STAMBP: variants seen among roughly 807,000 people sequenced by gnomAD.
STAMBP encodes STAM binding protein, also known as STAM-binding protein.
A neutral mutation model predicts 50.7 loss-of-function variants in STAMBP; 31 were observed. That is an observed-to-expected ratio of 0.61 (90% confidence interval 0.46 to 0.83). The LOEUF (loss-of-function observed/expected upper bound fraction) is 0.83. STAMBP is among the 40% of genes least tolerant of loss of function. The pLI is 0.00. For synonymous variants in STAMBP, 211 were observed against 192.4 expected (o/e 1.10, Z -0.80); for missense variants, 472 against 518.9 (o/e 0.91, Z 0.88).
At chr2:73,833,758 TG>T (rs928058870) in intron 2 of STAMBP, among the ~76,000 whole-genome samples, 23 of 152,248 alleles carry the variant, frequency 1.5e-4, no homozygotes, top group African/African-American at 5.5e-4. Flanking sequence ...GCTGTCTACA[TG>T]GCACTGCACT....
chr2:73,859,061 A>G (rs1677954023), intron 7 of STAMBP, among the ~76,000 whole-genome samples, 193 bp from the exon 8 acceptor site: 1 of 152,216 alleles, frequency 6.6e-6, no homozygotes, highest in Non-Finnish European at 1.5e-5. Flanking sequence ...AATAAAACAG[A>G]ACAGTTATAA....
intron 2 of STAMBP, among the ~76,000 whole-genome samples, chr2:73,835,697 T>G (rs531799086): frequency 3.1e-4 from 47 of 152,220 alleles, no homozygotes; most frequent in Non-Finnish European, 6.2e-4. Flanking sequence ...GTTGATGTCG[T>G]GTTTCTGCCT....
chr2:73,843,052 A>T (rs1339446776), intron 2 of STAMBP, among the ~76,000 whole-genome samples: 1 of 152,188 alleles, frequency 6.6e-6, no homozygotes, highest in African/African-American at 2.4e-5. Flanking sequence ...TGAGAGTTCT[A>T]CTGAATCATC....
At chr2:73,846,902 C>T (rs1340912721) in intron 4 of STAMBP, among the ~76,000 whole-genome samples, 1 of 151,650 alleles carries the variant, frequency 6.6e-6, no homozygotes, top group African/African-American at 2.4e-5. Flanking sequence ...GGCAACATGG[C>T]GAAACCCTGT....
At chr2:73,842,588 C>T (rs191179322) in intron 2 of STAMBP, among the ~76,000 whole-genome samples, 2 of 152,214 alleles carry the variant, frequency 1.3e-5, no homozygotes, top group East Asian at 3.9e-4. Context: ...GTGTTTTGGT[C>T]TGTATTTAGA....
chr2:73,836,712 G>T (rs1558561490), intron 2 of STAMBP, among the ~76,000 whole-genome samples: 1 of 152,238 alleles, frequency 6.6e-6, no homozygotes. Context: ...CCTCCCTGGG[G>T]CTCAGAGGGT....
chr2:73,833,968 T>G (rs990224422), intron 2 of STAMBP, among the ~76,000 whole-genome samples: 1 of 151,806 alleles, frequency 6.6e-6, no homozygotes, highest in Non-Finnish European at 1.5e-5. Context: ...CCCAGCACTT[T>G]GGGAGGCCGA....
At chr2:73,852,955 T>TGTGTGTG in intron 7 of STAMBP, among the ~76,000 whole-genome samples, 1 of 150,304 alleles carries the variant, frequency 6.7e-6, no homozygotes, top group Admixed American at 6.7e-5. Context: ...TGTGTGTGTG[T>TGTGTGTG]ATTTTTAGTA....
At chr2:73,845,099 T>G in intron 3 of STAMBP, 68 bp from the exon 4 acceptor site, 1 of 1,593,190 alleles carries the variant, frequency 6.3e-7, no homozygotes, top group Non-Finnish European at 8.6e-7. Flanking sequence ...CAACTTGACT[T>G]AAGTCTTCTT....
intron 5 of STAMBP, among the ~76,000 whole-genome samples, chr2:73,848,218 C>T (rs1361235294): frequency 6.6e-6 from 1 of 152,142 alleles, no homozygotes; most frequent in East Asian, 1.9e-4. Context: ...CTAACTTTAG[C>T]TTGCTGGCTG....
intron 2 of STAMBP, among the ~76,000 whole-genome samples, chr2:73,834,250 T>A (rs1188733228): frequency 0.015 from 376 of 24,852 alleles, 4 homozygotes; most frequent in Non-Finnish European, 0.02. Context: ...TATATATATA[T>A]ATATATATAT....
downstream of STAMBP, among the ~76,000 whole-genome samples, chr2:73,868,547 A>G (rs557736068): frequency 2.0e-5 from 3 of 152,308 alleles, no homozygotes; most frequent in East Asian, 5.8e-4. Context: ...TTTTTTTAAG[A>G]TGAAAATCAA....
intron 7 of STAMBP, among the ~76,000 whole-genome samples, chr2:73,854,040 C>G (rs539017388): frequency 6.6e-6 from 1 of 152,102 alleles, no homozygotes; most frequent in South Asian, 2.1e-4. Context: ...GTTCTTATGC[C>G]CAATGAGCCA....
At chr2:73,835,471 T>A (rs1674603998) in intron 2 of STAMBP, among the ~76,000 whole-genome samples, 1 of 151,962 alleles carries the variant, frequency 6.6e-6, no homozygotes, top group Non-Finnish European at 1.5e-5. Flanking sequence ...GGTGTGAGCC[T>A]CCATGCCCAA....
chr2:73,847,267 T>C, intron 4 of STAMBP, 120 bp from the exon 5 acceptor site: 1 of 1,244,686 alleles, frequency 8.0e-7, no homozygotes, highest in Non-Finnish European at 1.1e-6. Flanking sequence ...AATTCTGTGT[T>C]AGGTAATCAG....
chr2:73,850,386 A>C lies in STAMBP; in HGVS notation c.878A>C (p.Glu293Ala). 6.2e-7 allele frequency: 1 copy of C among 1,610,272 alleles called. No homozygotes were observed. Among genetic ancestry groups the C allele is most frequent in the Non-Finnish European group, 8.5e-7 (1 of 1,178,434 alleles). ...GILCGKLMRN[E>A]FTITHVLIPK... Reference sequence around the variant, plus strand: ...TTTCTCCTTTGGCAGATGAGGAATGAATTTACCATTACCCATGTTCTCATC... The same window carrying C: ...TTTCTCCTTTGGCAGATGAGGAATGCATTTACCATTACCCATGTTCTCATC... Residue 293 changes from glutamate to alanine, a missense_variant, in exon 7 of 10, where the codon GAA becomes GCA. Physicochemically the swap from Glu to Ala is moderately radical, Grantham distance 107. Transcript: ENST00000394070. The surrounding 1 kb of genome is among the most constrained non-coding windows in gnomAD (Gnocchi z 4.3).
intron 7 of STAMBP, among the ~76,000 whole-genome samples, chr2:73,854,674 A>G (rs1437053904): frequency 6.6e-6 from 1 of 152,056 alleles, no homozygotes; most frequent in East Asian, 1.9e-4. Context: ...TTTCTGCACC[A>G]TTCCTTCCTA....
intron 7 of STAMBP, among the ~76,000 whole-genome samples, chr2:73,857,501 C>A (rs925158499): frequency 1.1e-4 from 16 of 152,198 alleles, no homozygotes; most frequent in African/African-American, 3.9e-4. Flanking sequence ...CAAGCCTCTT[C>A]GTCCACAGTT....
At chr2:73,831,803 T>C (rs1166149078) in intron 2 of STAMBP, among the ~76,000 whole-genome samples, 2 of 152,150 alleles carry the variant, frequency 1.3e-5, no homozygotes, top group South Asian at 4.1e-4. Flanking sequence ...CATAATTTCA[T>C]TTGATCTTCA....
Sources: allele counts gnomAD v4.1 joint callset (sites outside exome capture counted in the v4.1 genomes callset), GRCh38; gene constraint gnomAD v4.1.1; non-coding constraint Gnocchi (gnomAD v3.1); transcripts MANE v1.5; gene names NCBI Gene and HGNC (gene_info 2026-07-23, HGNC 2026-07-21).